DLG1: variants seen among roughly 807,000 people sequenced by gnomAD.
DLG1 encodes the protein discs large MAGUK scaffold protein 1.
Under a neutral mutation model 123.4 loss-of-function variants are expected in DLG1, and 42 were observed. That is an observed-to-expected ratio of 0.34 (90% confidence interval 0.27 to 0.44). The LOEUF is 0.44. DLG1 is among the 20% of genes least tolerant of loss of function. The probability of loss-of-function intolerance (pLI) is 1.00; values close to 1 mark genes in which losing one functional copy is unlikely to be tolerated. For synonymous variants in DLG1, 317 were observed against 356.2 expected, an observed-to-expected ratio of 0.89 and a Z score of 1.24; for missense variants, 942 against 1,082.6, an observed-to-expected ratio of 0.87 and a Z score of 1.82.
intron 24 of DLG1, among the ~76,000 whole-genome samples, chr3:197,046,625 A>G (rs1390751354): frequency 6.6e-6 from 1 of 152,204 alleles, no homozygotes; most frequent in Non-Finnish European, 1.5e-5. Context: ...TAGTCCCACC[A>G]CTTTGGGAGG....
At chr3:197,271,705 T>C (rs1338878282) in intron 4 of DLG1, among the ~76,000 whole-genome samples, 4 of 152,186 alleles carry the variant, frequency 2.6e-5, no homozygotes, top group Non-Finnish European at 5.9e-5. Context: ...AACTGAACAA[T>C]TATTGCTAAT....
At chr3:197,177,447 C>A (rs1807723849) in intron 5 of DLG1, among the ~76,000 whole-genome samples, 2 of 152,210 alleles carry the variant, frequency 1.3e-5, no homozygotes, top group South Asian at 4.2e-4. Context: ...TGAACAATTC[C>A]ATTCCTTGGA....
rs1420131199 is a variant in DLG1 at position 197,042,990 on chromosome 3, G to GATA, written c.*1630_*1632dup. 2 of 152,104 alleles carry GATA rather than the reference G, an allele frequency of 1.3e-5. No individual in the cohort carries two copies. The highest frequency in any genetic ancestry group is 4.8e-5 in the African/African-American group (2 of 41,402). The allele number at this position is 152,104 out of a possible 1,614,324, so 9.4% of individuals were successfully genotyped here. On this transcript the variant is annotated 3_prime_UTR_variant, in exon 25 of 25. Coordinates refer to ENST00000667157, the MANE Select transcript of DLG1 (RefSeq NM_001366207.1). ...CTTCATAAATGGAATGGATAATGTTGATAATTCTTTACAAACCAGTACTCA... is the reference window on the plus strand; with the variant it reads ...CTTCATAAATGGAATGGATAATGTTGATAATAATTCTTTACAAACCAGTACTCA...
chr3:197,206,300 A>C lies in DLG1; in HGVS notation c.319-11711T>G, dbSNP rs868750068. ...TAAAAATAACTCTTAATTATGTAAG[A>C]TATTTTCTTTTTCTTTTGAGACAGG... is the stretch of plus-strand genomic sequence containing the variant. On this transcript the variant is annotated intron_variant, in intron 4 of 24. Coordinates refer to ENST00000667157, the MANE Select transcript of DLG1 (RefSeq NM_001366207.1). 2.6e-5 allele frequency among the ~76,000 whole-genome samples: 4 copies of C among 152,134 alleles called. No individual in the cohort carries two copies. The South Asian group carries it at 6.2e-4, about 24-fold the overall frequency.
intron 7 of DLG1, among the ~76,000 whole-genome samples, chr3:197,141,004 GCTA>G (rs1787668878): frequency 6.6e-6 from 1 of 152,144 alleles, no homozygotes; most frequent in Admixed American, 6.5e-5. Flanking sequence ...GGGTTCGACT[GCTA>G]CAAAAAGCCT....
intron 14 of DLG1, among the ~76,000 whole-genome samples, chr3:197,096,356 T>A (rs189607268): frequency 3.9e-5 from 6 of 152,330 alleles, no homozygotes; most frequent in African/African-American, 1.4e-4. Flanking sequence ...TGAACAGCCA[T>A]CCACTTCCCT....
chr3:197,053,935 T>C (rs1421549419), intron 23 of DLG1, among the ~76,000 whole-genome samples: 1 of 151,696 alleles, frequency 6.6e-6, no homozygotes, highest in Non-Finnish European at 1.5e-5. Flanking sequence ...CTCTAAAAAA[T>C]ACAAAAATTA....
In DLG1 at chr3:197,147,430, GTGCACACA is replaced by G. The variant is rs1348864872; in HGVS notation, c.537+2305_537+2312del. Among the ~76,000 whole-genome samples, 19 of 91,252 alleles carry G rather than the reference GTGCACACA, an allele frequency of 2.1e-4. No individual in the cohort carries two copies. The East Asian group carries it at 3.0e-3, about 15-fold the overall frequency. The allele number at this position is 91,252 out of a possible 152,430, so 59.9% of individuals were successfully genotyped here. A position where few individuals can be genotyped will look rare whatever the true frequency, so the allele number is the denominator to read the frequency against. ...CATGAGTGGATAAAAAATATATGGT[GTGCACACA>G]CACACACACACACACACACACACAC... On this transcript the variant is annotated intron_variant, in intron 6 of 24. Transcript: ENST00000667157.
chr3:197,108,731 T>C (rs1425246100), intron 13 of DLG1, among the ~76,000 whole-genome samples: 1 of 152,204 alleles, frequency 6.6e-6, no homozygotes, highest in Non-Finnish European at 1.5e-5. Flanking sequence ...TCCACCCGTT[T>C]ACTTTCAACC....
chr3:197,084,277 C>T (rs1189322357), intron 16 of DLG1, among the ~76,000 whole-genome samples: 1 of 150,798 alleles, frequency 6.6e-6, no homozygotes, highest in African/African-American at 2.4e-5. Flanking sequence ...TAACTAGTAG[C>T]TTTAGATCAA....
At chr3:197,145,622 T>C (rs946871501) in intron 6 of DLG1, among the ~76,000 whole-genome samples, 1 of 152,212 alleles carries the variant, frequency 6.6e-6, no homozygotes. Context: ...ACGTAAAATT[T>C]TGATACTGTG....
intron 4 of DLG1, among the ~76,000 whole-genome samples, chr3:197,213,852 T>C (rs746284190): frequency 6.6e-6 from 1 of 152,200 alleles, no homozygotes; most frequent in African/African-American, 2.4e-5. Flanking sequence ...AGTCAGAGTA[T>C]GTGGCAGGGT....
chr3:197,124,564 G>A (rs1052653930), intron 11 of DLG1, among the ~76,000 whole-genome samples: 6 of 152,130 alleles, frequency 3.9e-5, no homozygotes, highest in East Asian at 1.9e-4. Context: ...GTGAGCCACC[G>A]TGCCTGGTCT....
intron 5 of DLG1, among the ~76,000 whole-genome samples, chr3:197,177,240 T>C (rs200512720): frequency 1.3e-5 from 2 of 152,136 alleles, no homozygotes; most frequent in Non-Finnish European, 2.9e-5. Flanking sequence ...GGTCAGCATC[T>C]CACAGCCAGT....
intron 13 of DLG1, among the ~76,000 whole-genome samples, chr3:197,115,250 CA>C (rs1048974405): frequency 2.6e-5 from 4 of 151,658 alleles, no homozygotes; most frequent in South Asian, 4.2e-4. Context: ...TAAAGTTTCC[CA>C]AAGTCTGTGT....
chr3:197,060,103 G>C, intron 22 of DLG1, 105 bp from the exon 23 acceptor site: 2 of 697,824 alleles, frequency 2.9e-6, no homozygotes, highest in Non-Finnish European at 4.6e-6. Flanking sequence ...GATCTGTTTC[G>C]ATCCTTGTTC....
At chr3:197,205,409 G>A (rs909479635) in intron 4 of DLG1, among the ~76,000 whole-genome samples, 3 of 151,950 alleles carry the variant, frequency 2.0e-5, no homozygotes, top group African/African-American at 7.3e-5. Flanking sequence ...CAAAACATTA[G>A]CAAAAGAGCT....
At chr3:197,126,423 C>A (rs945042844) in intron 11 of DLG1, among the ~76,000 whole-genome samples, 2 of 151,440 alleles carry the variant, frequency 1.3e-5, no homozygotes, top group African/African-American at 4.9e-5. Flanking sequence ...TCCGAGATCA[C>A]GCCACTGCAC....
At chr3:197,061,402 G>T (rs780234442) in intron 22 of DLG1, among the ~76,000 whole-genome samples, 3 of 151,980 alleles carry the variant, frequency 2.0e-5, no homozygotes, top group African/African-American at 7.3e-5. Context: ...CCTTCACCTC[G>T]TATTTCTTAA....
Sources: allele counts gnomAD v4.1 joint callset (sites outside exome capture counted in the v4.1 genomes callset), GRCh38; gene constraint gnomAD v4.1.1; transcripts MANE v1.5; gene names NCBI Gene and HGNC (gene_info 2026-07-23, HGNC 2026-07-21).